The following USP34 variants were observed in gnomAD, a reference collection of about 807,000 sequenced individuals.
USP34 encodes the protein ubiquitin specific peptidase 34, also known as ubiquitin carboxyl-terminal hydrolase 34.
Under a neutral mutation model 460.3 loss-of-function variants are expected in USP34, and 70 were observed. The ratio of observed to expected loss-of-function variants is 0.15; its 90% confidence interval spans 0.13 to 0.19. The LOEUF (loss-of-function observed/expected upper bound fraction) is 0.19. Ranked by LOEUF, USP34 falls within the 10% of genes least tolerant of loss-of-function variation. USP34 has a pLI of 1.00. For synonymous variants in USP34, 1,647 were observed against 1,405.3 expected, an observed-to-expected ratio of 1.17 and a Z score of -3.85; for missense variants, 3,985 against 4,236.2, an observed-to-expected ratio of 0.94 and a Z score of 1.65.
intron 1 of USP34, among the ~76,000 whole-genome samples, chr2:61,441,494 G>A (rs1277653827): frequency 6.6e-6 from 1 of 152,128 alleles, no homozygotes; most frequent in East Asian, 1.9e-4. Flanking sequence ...CTCCTCTGGA[G>A]CCCAGGGCCA....
chr2:61,199,191 A>G (rs1340155684), intron 75 of USP34, among the ~76,000 whole-genome samples: 2 of 151,790 alleles, frequency 1.3e-5, no homozygotes, highest in Non-Finnish European at 2.9e-5. Flanking sequence ...GGTCTTTCAA[A>G]TCTCATGGTG....
intron 38 of USP34, among the ~76,000 whole-genome samples, chr2:61,280,859 T>C (rs949888094): frequency 1.9e-4 from 29 of 152,172 alleles, no homozygotes; most frequent in African/African-American, 6.3e-4. Flanking sequence ...ATTTCTAAAA[T>C]AGAGTATCCA....
At chr2:61,452,018 C>T (rs1344126821) in intron 1 of USP34, among the ~76,000 whole-genome samples, 2 of 151,340 alleles carry the variant, frequency 1.3e-5, no homozygotes. Context: ...ACTAAAAATA[C>T]AAAAAATTAG....
intron 5 of USP34, among the ~76,000 whole-genome samples, chr2:61,383,644 CG>C (rs1026409080): frequency 6.6e-6 from 1 of 151,486 alleles, no homozygotes; most frequent in South Asian, 2.1e-4. Context: ...CCGGGGGGGG[CG>C]GGGGGAAGAG....
At chr2:61,298,765 C>G (rs903751972) in intron 29 of USP34, among the ~76,000 whole-genome samples, 9 of 149,604 alleles carry the variant, frequency 6.0e-5, no homozygotes, top group African/African-American at 2.0e-4. Context: ...TTAAAACCAG[C>G]CATAATGATG....
rs1330572477 is a variant in USP34 at position 61,201,133 on chromosome 2, C to G, written c.9508+2007G>C. Among the ~76,000 whole-genome samples the G allele has an allele frequency of 2.0e-5, 3 of 151,540 alleles. No homozygotes were observed. The East Asian group carries it at 5.8e-4, about 29-fold the overall frequency. On this transcript the variant is annotated intron_variant, in intron 75 of 79. Transcript: ENST00000398571. ...CAGTTCCTTAGTCACATTTCAAGTT[C>G]TCAACACTCACAAATGATGGGCTAC...
At chr2:61,413,975 G>C (rs1182062638) in intron 2 of USP34, among the ~76,000 whole-genome samples, 2 of 150,130 alleles carry the variant, frequency 1.3e-5, no homozygotes, top group Non-Finnish European at 3.0e-5. Context: ...AAAAACAAAA[G>C]AGGCCGAGTG....
At chr2:61,358,308 G>C (rs1262489483) in intron 10 of USP34, among the ~76,000 whole-genome samples, 1 of 151,548 alleles carries the variant, frequency 6.6e-6, no homozygotes, top group Non-Finnish European at 1.5e-5. Context: ...TAGACTATGG[G>C]GAAAAAAAAG....
rs1558542717 is a variant in USP34 at position 61,348,837 on chromosome 2, T to C, written c.1593A>G (p.Gln531=). ...PQSSDNSDTH[Q]SGGSDIEMDE... ...CCATTTCAATGTCACTACCTCCACT[T>C]TGATGTGTATCGCTATTATCACTGC... Residue 531 remains glutamine (Q), a synonymous_variant, in exon 14 of 80, where the codon CAA becomes CAG. Coordinates refer to ENST00000398571, the MANE Select transcript of USP34 (RefSeq NM_014709.4). The C allele has an allele frequency of 1.2e-6, 2 of 1,613,864 alleles. No homozygotes were observed. Among genetic ancestry groups the C allele is most frequent in the Non-Finnish European group, 1.7e-6 (2 of 1,179,866 alleles).
chr2:61,402,869 A>C (rs1693762387), intron 3 of USP34, among the ~76,000 whole-genome samples: 1 of 152,104 alleles, frequency 6.6e-6, no homozygotes, highest in African/African-American at 2.4e-5. Flanking sequence ...ATTTATACAT[A>C]TATATAATTT....
intron 30 of USP34, 77 bp downstream of exon 30, chr2:61,296,723 G>A: frequency 2.1e-6 from 3 of 1,440,678 alleles, no homozygotes; most frequent in Non-Finnish European, 2.8e-6. Context: ...TACATCAACA[G>A]GCAATCTTCT....
chr2:61,379,473 T>A, intron 7 of USP34, among the ~76,000 whole-genome samples: 1 of 152,016 alleles, frequency 6.6e-6, no homozygotes, highest in East Asian at 1.9e-4. Flanking sequence ...TAAGCCGAGA[T>A]CATGCCATTG....
intron 8 of USP34, among the ~76,000 whole-genome samples, chr2:61,372,628 T>G (rs771436614): frequency 6.6e-6 from 1 of 152,108 alleles, no homozygotes; most frequent in South Asian, 2.1e-4. Context: ...GGAGGATCAT[T>G]TGAGTCCAGG....
chr2:61,285,120 A>G (rs888767402), intron 34 of USP34, among the ~76,000 whole-genome samples, 163 bp from the exon 35 acceptor site: 6 of 152,232 alleles, frequency 3.9e-5, no homozygotes, highest in African/African-American at 1.4e-4. Context: ...GAATGTCGTA[A>G]GAATTCTTTG....
At chr2:61,367,308 G>A (rs984646543) in intron 10 of USP34, among the ~76,000 whole-genome samples, 4 of 151,154 alleles carry the variant, frequency 2.6e-5, no homozygotes, top group African/African-American at 4.8e-5. Context: ...ACGAGTGCGC[G>A]CGCACACACA....
chr2:61,273,213 C>T (rs528198727), intron 41 of USP34, among the ~76,000 whole-genome samples: 405 of 152,216 alleles, frequency 2.7e-3, no homozygotes, highest in Non-Finnish European at 4.3e-3. Context: ...AAACATAAAA[C>T]GATTGGCTTT....
intron 78 of USP34, 162 bp from the exon 79 acceptor site, chr2:61,189,231 G>T: frequency 8.7e-6 from 6 of 688,606 alleles, no homozygotes; most frequent in African/African-American, 1.9e-5. Context: ...GAAAGCCAGT[G>T]TTAAGATACT....
At chr2:61,386,785 T>C (rs559360584) in intron 5 of USP34, among the ~76,000 whole-genome samples, 28 of 152,104 alleles carry the variant, frequency 1.8e-4, no homozygotes, top group African/African-American at 4.1e-4. Flanking sequence ...CGAGACTCCA[T>C]CTAAAAAGAA....
At chr2:61,381,525 G>A (rs1692975393) in intron 6 of USP34, among the ~76,000 whole-genome samples, 1 of 151,956 alleles carries the variant, frequency 6.6e-6, no homozygotes, top group African/African-American at 2.4e-5. Context: ...GCACAGAGAT[G>A]GAGTCTCGCT....
Sources: allele counts gnomAD v4.1 joint callset (sites outside exome capture counted in the v4.1 genomes callset), GRCh38; gene constraint gnomAD v4.1.1; transcripts MANE v1.5; gene names NCBI Gene and HGNC (gene_info 2026-07-23, HGNC 2026-07-21).